RASAL2: variants seen among roughly 807,000 people sequenced by gnomAD.
RASAL2 encodes ras GTPase-activating protein nGAP.
RASAL2 carries 58 observed loss-of-function variants against 128.9 expected under a neutral mutation model. The ratio of observed to expected loss-of-function variants is 0.45; its 90% CI spans 0.36 to 0.56. The LOEUF (loss-of-function observed/expected upper bound fraction) is 0.56. Ranked by LOEUF, RASAL2 falls within the 20% of genes least tolerant of loss-of-function variation. RASAL2 has a pLI of 0.00. For synonymous variants in RASAL2, 561 were observed against 580.8 expected (o/e 0.97, Z 0.49); for missense variants, 1,360 against 1,601.6 (o/e 0.85, Z 2.57).
chr1:178,161,118 A>AG (rs199782642), intron 1 of RASAL2, among the ~76,000 whole-genome samples: 13 of 151,914 alleles, frequency 8.6e-5, no homozygotes, highest in Non-Finnish European at 1.6e-4. Context: ...TACTTTAAAA[A>AG]AAAAAGGATA....
intron 4 of RASAL2, 100 bp from the exon 5 acceptor site, chr1:178,420,411 T>C: frequency 1.5e-6 from 1 of 653,368 alleles, no homozygotes. Context: ...CTATTTCTGG[T>C]CTTTATTGTA....
chr1:178,213,432 A>T (rs900895095), intron 1 of RASAL2, among the ~76,000 whole-genome samples: 1 of 152,146 alleles, frequency 6.6e-6, no homozygotes, highest in Non-Finnish European at 1.5e-5. Context: ...GTAGACATCT[A>T]CCAAAAGTCT....
Position 178,456,775 on chromosome 1 carries a change from T to C in RASAL2, c.2266T>C (p.Ser756Pro), listed in dbSNP as rs971698620. The C allele has an allele frequency of 6.2e-7, 1 of 1,614,042 alleles. No homozygotes were observed. Among genetic ancestry groups the C allele is most frequent in the Non-Finnish European group, 8.5e-7 (1 of 1,180,032 alleles). Reference protein sequence around the residue: ...LPRVLADITKSLTNPTPIQQQ... With the variant: ...LPRVLADITKPLTNPTPIQQQ... ...TCGTGTTCTTGCTGATATTACCAAG[T>C]CATTGACTAATCCTACGCCAATACA... Residue 756 changes from serine (S) to proline (P), a missense_variant, in exon 13 of 18, where the codon TCA becomes CCA. Coordinates refer to ENST00000367649, the MANE Select transcript of RASAL2 (RefSeq NM_170692.4).
Position 178,217,298 on chromosome 1 carries a change from G to A in RASAL2, c.203-66266G>A, listed in dbSNP as rs539906685. Among the ~76,000 whole-genome samples the A allele has an allele frequency of 2.0e-5, 3 of 152,254 alleles. No homozygotes were observed. The East Asian group carries it at 5.8e-4, about 29-fold the overall frequency. On this transcript the variant is annotated intron_variant, in intron 1 of 17. Coordinates refer to ENST00000367649, the MANE Select transcript of RASAL2 (RefSeq NM_170692.4). Reference sequence around the variant, plus strand: ...CCAAGTAGACTTTATTTTTTAGAGTGCTATTTGGTTGACAGAAAAAATGAG... The same window carrying A: ...CCAAGTAGACTTTATTTTTTAGAGTACTATTTGGTTGACAGAAAAAATGAG...
chr1:178,250,855 C>T (rs1355625037), intron 1 of RASAL2, among the ~76,000 whole-genome samples: 4 of 152,054 alleles, frequency 2.6e-5, no homozygotes, highest in African/African-American at 7.2e-5. Flanking sequence ...ATAAAGTCTT[C>T]GAATCAAATG....
At chr1:178,099,590 G>C (rs776254993) in intron 1 of RASAL2, among the ~76,000 whole-genome samples, 9 of 152,186 alleles carry the variant, frequency 5.9e-5, no homozygotes, top group East Asian at 1.9e-4. Context: ...ATATTTTTAA[G>C]GAATAGAATT....
At chr1:178,381,245 G>A (rs1672265569) in intron 3 of RASAL2, among the ~76,000 whole-genome samples, 1 of 152,188 alleles carries the variant, frequency 6.6e-6, no homozygotes, top group Admixed American at 6.5e-5. Context: ...ATCTGGTAAT[G>A]ATGAGTAGGA....
chr1:178,143,745 A>G (rs962326567), intron 1 of RASAL2, among the ~76,000 whole-genome samples: 1 of 140,336 alleles, frequency 7.1e-6, no homozygotes, highest in African/African-American at 2.9e-5. Context: ...CTTTATCTCT[A>G]TTGTTTGGGT....
chr1:178,200,554 A>C (rs1662828666), intron 1 of RASAL2, among the ~76,000 whole-genome samples: 1 of 152,210 alleles, frequency 6.6e-6, no homozygotes, highest in African/African-American at 2.4e-5. Flanking sequence ...ACTGAGCCTC[A>C]AATCTGTTAA....
At chr1:178,170,366 A>T (rs1661666178) in intron 1 of RASAL2, among the ~76,000 whole-genome samples, 2 of 151,718 alleles carry the variant, frequency 1.3e-5, no homozygotes, top group Non-Finnish European at 2.9e-5. Context: ...ATATATATAT[A>T]TTTTGGTAGT....
At chr1:178,358,931 T>C (rs1229695170) in intron 3 of RASAL2, among the ~76,000 whole-genome samples, 1 of 152,156 alleles carries the variant, frequency 6.6e-6, no homozygotes, top group East Asian at 1.9e-4. Context: ...ACCGCAACTC[T>C]TAATCTAAAT....
chr1:178,235,017 T>C (rs1005430867), intron 1 of RASAL2, among the ~76,000 whole-genome samples: 4 of 152,170 alleles, frequency 2.6e-5, no homozygotes, highest in African/African-American at 9.7e-5. Flanking sequence ...TAAACATATA[T>C]ATTTTCTCCT....
intron 1 of RASAL2, among the ~76,000 whole-genome samples, chr1:178,112,926 GA>G (rs1019877294): frequency 6.6e-6 from 1 of 151,260 alleles, no homozygotes; most frequent in Non-Finnish European, 1.5e-5. Context: ...AGAAAAAAAA[GA>G]AAAAAAAGAA....
chr1:178,149,507 A>G (rs1427150306), intron 1 of RASAL2, among the ~76,000 whole-genome samples: 1 of 150,998 alleles, frequency 6.6e-6, no homozygotes, highest in Non-Finnish European at 1.5e-5. Context: ...TCATCTCATA[A>G]TTTTCTGTTA....
At chr1:178,461,872 C>G (rs899227054) in intron 14 of RASAL2, among the ~76,000 whole-genome samples, 1 of 152,160 alleles carries the variant, frequency 6.6e-6, no homozygotes, top group Admixed American at 6.5e-5. Context: ...TAAATACTAG[C>G]AAGGAACGAG....
At chr1:178,452,909 G>T (rs911435368) in intron 11 of RASAL2, among the ~76,000 whole-genome samples, 4 of 152,012 alleles carry the variant, frequency 2.6e-5, no homozygotes, top group Non-Finnish European at 5.9e-5. Flanking sequence ...TATAGAGCAT[G>T]AAGATAAAAT....
chr1:178,340,310 T>A (rs1217323708), intron 3 of RASAL2, among the ~76,000 whole-genome samples: 1 of 152,048 alleles, frequency 6.6e-6, no homozygotes, highest in East Asian at 1.9e-4. Context: ...GCAGGTGGAG[T>A]CCACTGTGAT....
intron 9 of RASAL2, among the ~76,000 whole-genome samples, chr1:178,448,390 G>A (rs141625422): frequency 6.0e-4 from 92 of 152,198 alleles, no homozygotes; most frequent in African/African-American, 2.0e-3. Flanking sequence ...AGAGTGAGTC[G>A]CCATTCAAGA....
intron 1 of RASAL2, among the ~76,000 whole-genome samples, chr1:178,267,824 C>G (rs556778348): frequency 2.6e-5 from 4 of 152,024 alleles, no homozygotes; most frequent in African/African-American, 9.7e-5. Context: ...AAACATTCCT[C>G]ATGGAGCCCT....
Sources: gnomAD v4.1 joint callset for allele counts (sites outside exome capture counted in the v4.1 genomes callset) on GRCh38, gnomAD v4.1.1 for gene constraint, MANE v1.5 for transcripts, NCBI Gene and HGNC (gene_info 2026-07-23, HGNC 2026-07-21) for gene names.